Variants in USP9Y observed in about 807,000 individuals in gnomAD.
USP9Y encodes the protein ubiquitin specific peptidase 9 Y-linked, also known as ubiquitin carboxyl-terminal hydrolase 9Y.
Under a neutral mutation model 53.1 loss-of-function variants are expected in USP9Y, and 41 were observed. The observed-to-expected ratio is 0.77, with a 90% confidence interval of 0.60 to 1.00. The LOEUF (loss-of-function observed/expected upper bound fraction) is 1.00. Among genes scored for constraint, USP9Y ranks in the 50% least tolerant of loss-of-function variants. USP9Y has a pLI of 0.00. For synonymous variants in USP9Y, 220 were observed against 173.7 expected, an observed-to-expected ratio of 1.27 and a Z score of -2.09; for missense variants, 567 against 535.8, an observed-to-expected ratio of 1.06 and a Z score of -0.58.
At chrY:12,703,224 T>C (rs978202227) in intron 1 of USP9Y, among the ~76,000 whole-genome samples, 18 of 33,333 alleles carry the variant, frequency 5.4e-4, no homozygotes, top group Non-Finnish European at 8.9e-4. Context: ...CATGCTTGGC[T>C]AATTTTTTAA....
At position 12,859,668 on chromosome Y, in the gene USP9Y, G is replaced by C; in HGVS notation, c.*252G>C. 9 of 74,297 alleles carry C rather than the reference G, an allele frequency of 1.2e-4. No homozygotes were observed. In the Admixed American group the frequency reaches 1.6e-3, roughly 13 times the overall value. The allele number at this position is 74,297 out of a possible 400,897, so 18.5% of individuals were successfully genotyped here. Reference sequence around the variant, plus strand: ...TAAATGAGAAAGGTATATATACTATGTTAATGTCTGACTGTTAATTCTTAA... The same window carrying C: ...TAAATGAGAAAGGTATATATACTATCTTAATGTCTGACTGTTAATTCTTAA... On this transcript the variant is annotated 3_prime_UTR_variant, in exon 46 of 46. Transcript: ENST00000338981.
intron 1 of USP9Y, among the ~76,000 whole-genome samples, chrY:12,702,602 A>T (rs2053416883): frequency 3.0e-5 from 1 of 33,316 alleles, no homozygotes; most frequent in Non-Finnish European, 7.4e-5. Flanking sequence ...AGTGTGTAGT[A>T]CTTGAGGTTC....
intron 42 of USP9Y, 122 bp downstream of exon 42, chrY:12,847,449 A>T: frequency 1.2e-5 from 2 of 170,055 alleles, no homozygotes; most frequent in African/African-American, 8.9e-5. Context: ...CTTTAAAAAC[A>T]TATGAAGAAA....
intron 27 of USP9Y, among the ~76,000 whole-genome samples, chrY:12,801,798 T>A (rs767455850): frequency 3.0e-5 from 1 of 33,845 alleles, no homozygotes; most frequent in Non-Finnish European, 7.3e-5. Flanking sequence ...AAAGTTACAG[T>A]GCTTAAAAAT....
chrY:12,830,443 A>G, intron 33 of USP9Y, among the ~76,000 whole-genome samples: 1 of 33,944 alleles, frequency 2.9e-5, no homozygotes, highest in African/African-American at 1.1e-4. Flanking sequence ...GCATGATTCA[A>G]CAAGTGAAAC....
Position 12,771,078 on chromosome Y carries a change from C to A in USP9Y, c.1911C>A (p.Asp637Glu). ...SIRLYAGDHE[D>E]YDPQTVRLGS... ...TTGGTTTATTTGCAGATCATGAAGA[C>A]TATGATCCACAAACAGTGAGGCTTG... Residue 637 changes from aspartate (D) to glutamate (E), a missense_variant, in exon 16 of 46, where the codon GAC (aspartate) becomes GAA (glutamate). Coordinates refer to ENST00000338981, the MANE Select transcript of USP9Y (RefSeq NM_004654.4). The A allele has an allele frequency of 2.5e-6, 1 of 392,476 alleles. No homozygotes were observed.
chrY:12,716,705 G>A (rs2053430997), intron 3 of USP9Y, among the ~76,000 whole-genome samples: 1 of 33,434 alleles, frequency 3.0e-5, no homozygotes, highest in African/African-American at 1.2e-4. Flanking sequence ...CTGGGTTCAC[G>A]CCATTCTCCT....
intron 3 of USP9Y, among the ~76,000 whole-genome samples, chrY:12,719,839 T>G: frequency 3.7e-5 from 1 of 26,808 alleles, no homozygotes; most frequent in Non-Finnish European, 8.8e-5. Flanking sequence ...CAGGCTGGAG[T>G]GCAGTGGCGT....
chrY:12,718,679 A>G, intron 3 of USP9Y, among the ~76,000 whole-genome samples: 1 of 33,363 alleles, frequency 3.0e-5, no homozygotes, highest in Non-Finnish European at 7.4e-5. Context: ...AACTAGAGAT[A>G]GGGTCTCCCT....
intron 34 of USP9Y, among the ~76,000 whole-genome samples, chrY:12,837,217 G>C (rs2053555909): frequency 3.1e-5 from 1 of 32,749 alleles, no homozygotes; most frequent in Non-Finnish European, 7.4e-5. Context: ...CACTAGGGAG[G>C]CTGAGGTGGG....
chrY:12,853,828 G>A lies in USP9Y; in HGVS notation c.7065-2512G>A, dbSNP rs776671231. ...ACTTTTTCTAGAATTAGTTACAATA[G>A]GTAACACTTAATCCATCGCCTCTAA... On this transcript the variant is annotated intron_variant, in intron 42 of 45. Transcript: ENST00000338981. Among the ~76,000 whole-genome samples the A allele has an allele frequency of 2.7e-4, 9 of 33,164 alleles. No individual in the cohort carries two copies. The East Asian group carries it at 7.2e-3, about 26-fold the overall frequency. The allele number at this position is 33,164 out of a possible 37,273, so 89.0% of individuals were successfully genotyped here. A position where few individuals can be genotyped will look rare whatever the true frequency, so the allele number is the denominator to read the frequency against.
At chrY:12,740,850 C>CT (rs2053456642) in intron 12 of USP9Y, among the ~76,000 whole-genome samples, 2 of 29,959 alleles carry the variant, frequency 6.7e-5, no homozygotes, top group Non-Finnish European at 1.6e-4. Flanking sequence ...CAATTTCTCT[C>CT]TTTTTTTTTT....
chrY:12,745,992 TGTTAAA>T (rs2053460432), intron 12 of USP9Y, among the ~76,000 whole-genome samples: 1 of 34,096 alleles, frequency 2.9e-5, no homozygotes, highest in African/African-American at 1.1e-4. Flanking sequence ...TGAGAGCACC[TGTTAAA>T]GTTCCATAGC....
chrY:12,726,517 G>T, intron 6 of USP9Y, 58 bp from the exon 7 acceptor site: 1 of 276,807 alleles, frequency 3.6e-6, no homozygotes, highest in Non-Finnish European at 5.7e-6. Context: ...AATTAAATGT[G>T]TTTGAAATTG....
chrY:12,714,749 C>T, intron 3 of USP9Y, among the ~76,000 whole-genome samples: 2 of 31,258 alleles, frequency 6.4e-5, no homozygotes. Context: ...TCACTGCGTC[C>T]GGCCTCCATC....
intron 17 of USP9Y, among the ~76,000 whole-genome samples, chrY:12,774,597 A>G (rs574617641): frequency 3.1e-3 from 101 of 32,485 alleles, no homozygotes; most frequent in African/African-American, 0.011. Context: ...TATGTATTTG[A>G]TGCTGACATG....
At chrY:12,737,630 T>C in intron 10 of USP9Y, among the ~76,000 whole-genome samples, 2 of 33,598 alleles carry the variant, frequency 6.0e-5, no homozygotes, top group Non-Finnish European at 1.5e-4. Context: ...TATTCACTAG[T>C]CCTTGAATTA....
In USP9Y at chrY:12,776,821, G is replaced by C; in HGVS notation, c.2600G>C (p.Ser867Thr). 1 of 395,498 alleles carries C rather than the reference G, an allele frequency of 2.5e-6. No individual in the cohort carries two copies. Among genetic ancestry groups the C allele is most frequent in the Non-Finnish European group, 3.5e-6 (1 of 281,946 alleles). Residue 867 changes from serine (S) to threonine (T), a missense_variant, in exon 19 of 46, where the codon AGT (serine) becomes ACT (threonine). Coordinates refer to ENST00000338981, the MANE Select transcript of USP9Y (RefSeq NM_004654.4). ...VIKEYINECD[S>T]DYHKERMILP... ...AAAGAGTACATTAATGAATGTGACA[G>C]TGATTATCACAAGGAAAGAATGATT...
At chrY:12,799,189 CT>C (rs2053516392) in intron 27 of USP9Y, among the ~76,000 whole-genome samples, 4 of 32,835 alleles carry the variant, frequency 1.2e-4, no homozygotes, top group Non-Finnish European at 2.2e-4. Flanking sequence ...GCATATTGGG[CT>C]GTGCCAGTTG....
Sources: allele counts gnomAD v4.1 joint callset (sites outside exome capture counted in the v4.1 genomes callset), GRCh38; gene constraint gnomAD v4.1.1; transcripts MANE v1.5; gene names NCBI Gene and HGNC (gene_info 2026-07-23, HGNC 2026-07-21).